The following DAP variants were observed in gnomAD, a reference collection of about 807,000 sequenced individuals.
DAP encodes death associated protein, also known as death-associated protein 1.
In DAP, 8 loss-of-function variants were observed where a neutral mutation model predicts 13.8. The ratio of observed to expected loss-of-function variants is 0.58; its 90% CI spans 0.34 to 1.05. The LOEUF is 1.05. Among genes scored for constraint, DAP ranks in the 50% least tolerant of loss-of-function variants. The probability of loss-of-function intolerance (pLI) is 0.03; values close to 1 mark genes in which losing one functional copy is unlikely to be tolerated. For missense variants in DAP, 106 were observed against 133.2 expected (o/e 0.80, Z 1.01); for synonymous variants, 47 against 47.5 (o/e 0.99, Z 0.04).
At chr5:10,705,363 T>C (rs1030577291) in intron 2 of DAP, among the ~76,000 whole-genome samples, 1 of 152,242 alleles carries the variant, frequency 6.6e-6, no homozygotes, top group African/African-American at 2.4e-5. Flanking sequence ...CACAGTGATC[T>C]AGTGGGAGGC....
At chr5:10,713,682 G>C (rs948484266) in intron 2 of DAP, among the ~76,000 whole-genome samples, 11 of 152,358 alleles carry the variant, frequency 7.2e-5, no homozygotes, top group African/African-American at 2.6e-4. Context: ...TAGAGGCTGA[G>C]GTAAAGCTGG....
chr5:10,748,153 A>C, intron 2 of DAP, 22 bp downstream of exon 2: 2 of 1,527,058 alleles, frequency 1.3e-6, no homozygotes, highest in Non-Finnish European at 1.8e-6. Context: ...AACATGCTCA[A>C]GAGTCGCTAG....
At chr5:10,730,039 G>GT in intron 2 of DAP, among the ~76,000 whole-genome samples, 1 of 152,338 alleles carries the variant, frequency 6.6e-6, no homozygotes, top group African/African-American at 2.4e-5. Flanking sequence ...CTCACAGGCG[G>GT]TTTTCTCAGG....
chr5:10,755,804 G>A (rs267934), intron 1 of DAP, among the ~76,000 whole-genome samples: 73,678 of 152,104 alleles, frequency 0.48, 19,601 homozygotes, highest in Non-Finnish European at 0.6. Flanking sequence ...GGCACTGGCC[G>A]AAATGAAAAG....
chr5:10,702,115 C>T (rs923082670), intron 2 of DAP, among the ~76,000 whole-genome samples: 7 of 152,176 alleles, frequency 4.6e-5, no homozygotes, highest in East Asian at 3.8e-4. Context: ...GGCTTCTGCA[C>T]GCATGGCTCC....
chr5:10,742,094 T>C (rs1739770716), intron 2 of DAP, among the ~76,000 whole-genome samples: 1 of 152,218 alleles, frequency 6.6e-6, no homozygotes, highest in African/African-American at 2.4e-5. Flanking sequence ...GTTTGCCTCC[T>C]GGTGATATTC....
chr5:10,717,405 C>A (rs1219379471), intron 2 of DAP, among the ~76,000 whole-genome samples: 1 of 152,336 alleles, frequency 6.6e-6, no homozygotes, highest in South Asian at 2.1e-4. Flanking sequence ...GAATGGGACC[C>A]TGCAACTTGG....
intron 2 of DAP, among the ~76,000 whole-genome samples, chr5:10,700,231 C>T (rs1738542697): frequency 6.6e-6 from 1 of 152,210 alleles, no homozygotes; most frequent in Non-Finnish European, 1.5e-5. Flanking sequence ...ACATGAGAGC[C>T]TTCCTTCTTC....
intron 2 of DAP, among the ~76,000 whole-genome samples, chr5:10,708,987 C>T (rs889471553): frequency 6.6e-6 from 1 of 152,202 alleles, no homozygotes; most frequent in Non-Finnish European, 1.5e-5. Context: ...AATCAAAAGA[C>T]CCTCAATCTA....
chr5:10,692,439 TGG>T (rs1432727653), intron 2 of DAP, among the ~76,000 whole-genome samples: 6 of 152,124 alleles, frequency 3.9e-5, no homozygotes, highest in Non-Finnish European at 7.4e-5. Flanking sequence ...GGGCCTTCAG[TGG>T]GGGCCGCCTG....
chr5:10,687,175 TA>T (rs1161340961), intron 2 of DAP, among the ~76,000 whole-genome samples: 1 of 152,166 alleles, frequency 6.6e-6, no homozygotes, highest in African/African-American at 2.4e-5. Context: ...CCTTTCAAAG[TA>T]TTACTGCTGA....
At chr5:10,737,670 A>G (rs772299683) in intron 2 of DAP, among the ~76,000 whole-genome samples, 2 of 152,212 alleles carry the variant, frequency 1.3e-5, no homozygotes, top group Non-Finnish European at 2.9e-5. Flanking sequence ...GAAGTTTTAA[A>G]TTTTCTATTT....
intron 2 of DAP, among the ~76,000 whole-genome samples, chr5:10,735,091 T>C (rs1739573897): frequency 1.3e-5 from 2 of 152,154 alleles, no homozygotes; most frequent in African/African-American, 4.8e-5. Flanking sequence ...ATCCTCAATA[T>C]ATCCCAAGTG....
At chr5:10,721,345 AAG>A (rs1302813373) in intron 2 of DAP, among the ~76,000 whole-genome samples, 7 of 152,300 alleles carry the variant, frequency 4.6e-5, no homozygotes, top group African/African-American at 1.7e-4. Flanking sequence ...CTTAGTTCCA[AAG>A]GGAGGAACGC....
At chr5:10,689,556 T>C (rs1399438983) in intron 2 of DAP, among the ~76,000 whole-genome samples, 2 of 152,324 alleles carry the variant, frequency 1.3e-5, no homozygotes, top group African/African-American at 4.8e-5. Flanking sequence ...TGGTGGATTC[T>C]GCTCATAAAG....
Position 10,707,119 on chromosome 5 carries a change from C to T in DAP, c.153-23548G>A, listed in dbSNP as rs1561014777. ...TTTGCAACGTCTGAGGTGGCTGGGG[C>T]TCAATGTCAAATGAATAATGAAAAC... On this transcript the variant is annotated intron_variant, in intron 2 of 3. Transcript: ENST00000230895. The surrounding 1 kb of genome is among the most constrained non-coding windows in gnomAD (Gnocchi z 4.0). Among the ~76,000 whole-genome samples the T allele has an allele frequency of 6.6e-6, 1 of 152,142 alleles. No homozygotes were observed. Among genetic ancestry groups the T allele is most frequent in the Non-Finnish European group, 1.5e-5 (1 of 68,022 alleles).
intron 2 of DAP, among the ~76,000 whole-genome samples, chr5:10,738,721 G>C (rs967877736): frequency 1.3e-5 from 2 of 152,196 alleles, no homozygotes; most frequent in Non-Finnish European, 2.9e-5. Flanking sequence ...GGGAAAATGG[G>C]CCAAGTCTGA....
At chr5:10,717,244 G>C (rs1739013223) in intron 2 of DAP, among the ~76,000 whole-genome samples, 1 of 152,216 alleles carries the variant, frequency 6.6e-6, no homozygotes, top group African/African-American at 2.4e-5. Flanking sequence ...AGATTGCCCT[G>C]AGTGAGAGTC....
chr5:10,730,813 A>T (rs1481299257), intron 2 of DAP, among the ~76,000 whole-genome samples: 1 of 58,712 alleles, frequency 1.7e-5, no homozygotes, highest in Non-Finnish European at 3.1e-5. Context: ...TGGTGGGGGG[A>T]ATCCTTCTCT....
Sources: gnomAD v4.1 joint callset for allele counts (sites outside exome capture counted in the v4.1 genomes callset) on GRCh38, gnomAD v4.1.1 for gene constraint, Gnocchi (gnomAD v3.1) non-coding constraint, MANE v1.5 for transcripts, NCBI Gene and HGNC (gene_info 2026-07-23, HGNC 2026-07-21) for gene names.